Variants in TNMD observed in about 807,000 individuals in gnomAD.
TNMD encodes BRICHOS domain containing 4.
Under a neutral mutation model 26.9 loss-of-function variants are expected in TNMD, and 15 were observed. The ratio of observed to expected loss-of-function variants is 0.56; its 90% CI spans 0.37 to 0.86. The LOEUF (loss-of-function observed/expected upper bound fraction) is 0.86. TNMD is among the 40% of genes least tolerant of loss of function. The probability of loss-of-function intolerance (pLI) is 0.00; values close to 1 mark genes in which losing one functional copy is unlikely to be tolerated. For missense variants in TNMD, 222 were observed against 242.6 expected (o/e 0.92, Z 0.56); for synonymous variants, 73 against 77.0 (o/e 0.95, Z 0.27).
Position 100,599,049 on chromosome X carries a change from A to C in TNMD, c.611A>C (p.Glu204Ala). ...TTACAAGACTTTGAGGAGGAGGGAG[A>C]AGATCTTCACTTTCCTGCCAACGAA... ...SELQDFEEEG[E>A]DLHFPANEKK... The change falls in exon 6 of 7, where the codon GAA (glutamate) becomes GCA (alanine). Residue 204 changes from glutamate (E) to alanine (A), a missense_variant. Physicochemically the swap from Glu to Ala is moderately radical, Grantham distance 107. Coordinates refer to ENST00000373031, the MANE Select transcript of TNMD (RefSeq NM_022144.3). 8.3e-7 allele frequency: 1 copy of C among 1,206,410 alleles called. No homozygotes were observed. The highest frequency in any genetic ancestry group is 1.7e-5 in the African/African-American group (1 of 57,637).
intron 2 of TNMD, among the ~76,000 whole-genome samples, chrX:100,587,707 A>C (rs1772933714): frequency 8.9e-6 from 1 of 112,078 alleles, no homozygotes; most frequent in African/African-American, 3.2e-5. Flanking sequence ...TCAAGAGACC[A>C]TCTATGTTTC....
chrX:100,592,569 C>T (rs1014337582), intron 2 of TNMD, among the ~76,000 whole-genome samples: 35 of 112,341 alleles, frequency 3.1e-4, no homozygotes, highest in African/African-American at 1.0e-3. Context: ...CACTGTAGGG[C>T]TACCAAGAGG....
rs748676123 is a variant in TNMD at position 100,598,257 on chromosome X, C to T, written c.577+600C>T. Among the ~76,000 whole-genome samples the T allele has an allele frequency of 8.1e-5, 9 of 111,383 alleles. 1 individual carries two copies. The highest frequency in any genetic ancestry group is 3.8e-4 in the South Asian group (1 of 2,602). On this transcript the variant is annotated intron_variant, in intron 5 of 6. Coordinates refer to ENST00000373031, the MANE Select transcript of TNMD (RefSeq NM_022144.3). ...GTTTAGCTAACATGGAATTTGGCCT[C>T]CCTCATTCTGCACAGCATAGATTAC... is the stretch of plus-strand genomic sequence containing the variant.
At chrX:100,585,808 G>A (rs2082920567) in intron 2 of TNMD, among the ~76,000 whole-genome samples, 1 of 112,821 alleles carries the variant, frequency 8.9e-6, no homozygotes, top group Non-Finnish European at 1.9e-5. Flanking sequence ...CATCTGCAGT[G>A]AGAACAGGCA....
intron 4 of TNMD, among the ~76,000 whole-genome samples, chrX:100,595,932 T>C (rs1351537501): frequency 8.9e-6 from 1 of 112,394 alleles, no homozygotes; most frequent in African/African-American, 3.2e-5. Flanking sequence ...CACAATAACA[T>C]ATGCTGATTA....
intron 4 of TNMD, 120 bp from the exon 5 acceptor site, chrX:100,597,384 G>A: frequency 1.2e-6 from 1 of 849,664 alleles, no homozygotes; most frequent in Non-Finnish European, 1.7e-6. Flanking sequence ...TAGTTCACCA[G>A]CAGCCCTAGG....
At chrX:100,594,227 G>A (rs1602688587) in intron 3 of TNMD, 34 bp from the exon 4 acceptor site, 4 of 1,093,632 alleles carry the variant, frequency 3.7e-6, no homozygotes, top group East Asian at 3.1e-5. Context: ...TGGCTCTTTT[G>A]GGAAGCTTTA....
At position 100,597,638 on chromosome X, in the gene TNMD, C is replaced by A. The variant is rs2082956714; in HGVS notation, c.558C>A (p.Ile186=). Residue 186 remains isoleucine, a synonymous_variant, in exon 5 of 7, where the codon ATC becomes ATA. Coordinates refer to ENST00000373031, the MANE Select transcript of TNMD (RefSeq NM_022144.3). ...GTGATAACGTGACCATGTATTGGATCAATCCCACTCTAATATCAGGTATGA... is the reference window on the plus strand; with the variant it reads ...GTGATAACGTGACCATGTATTGGATAAATCCCACTCTAATATCAGGTATGA... The part of the protein sequence containing the change: ...EICDNVTMYW[I]NPTLISVSEL... The A allele has an allele frequency of 8.3e-7, 1 of 1,208,225 alleles. No individual in the cohort carries two copies. Among genetic ancestry groups the A allele is most frequent in the African/African-American group, 1.7e-5 (1 of 57,200 alleles).
Position 100,599,815 on chromosome X carries a change from G to A in TNMD, c.*98G>A. On this transcript the variant is annotated 3_prime_UTR_variant, in exon 7 of 7. Transcript: ENST00000373031. ...CCTATGAGGCATCTGGCCCCTGGTA[G>A]CCAGCTCTCCAGAATTACTTGTAGG... 2.6e-6 allele frequency: 2 copies of A among 763,323 alleles called. No homozygotes were observed. Among genetic ancestry groups the A allele is most frequent in the South Asian group, 5.0e-5 (2 of 39,763 alleles). 62.9% of individuals were successfully genotyped at this position (763,323 alleles called of 1,213,427 possible). A position where few individuals can be genotyped will look rare whatever the true frequency, so the allele number is the denominator to read the frequency against.
intron 4 of TNMD, among the ~76,000 whole-genome samples, chrX:100,597,180 T>A (rs1341948891): frequency 1.8e-5 from 2 of 111,980 alleles, no homozygotes; most frequent in Non-Finnish European, 3.8e-5. Flanking sequence ...TCACTTAGGG[T>A]TCCAGAAGCT....
In TNMD at chrX:100,584,978, T is replaced by A. The variant is rs759906894; in HGVS notation, c.-41T>A. ...CTCCACCTCAGCAGTGGTCTCTCAG[T>A]CCTCTCAAAGCAAGGAAAGAGTACT... On this transcript the variant is annotated 5_prime_UTR_variant, in exon 1 of 7. Coordinates refer to ENST00000373031, the MANE Select transcript of TNMD (RefSeq NM_022144.3). 8.5e-7 allele frequency: 1 copy of A among 1,182,076 alleles called. No homozygotes were observed. Among genetic ancestry groups the A allele is most frequent in the East Asian group, 3.0e-5 (1 of 33,571 alleles).
At chrX:100,595,747 A>G (rs977885177) in intron 4 of TNMD, among the ~76,000 whole-genome samples, 2 of 111,047 alleles carry the variant, frequency 1.8e-5, no homozygotes, top group African/African-American at 3.3e-5. Flanking sequence ...CGTTCTCCCA[A>G]AGATGATGCT....
intron 2 of TNMD, among the ~76,000 whole-genome samples, chrX:100,585,707 A>G (rs1023411216): frequency 1.8e-5 from 2 of 112,376 alleles, no homozygotes; most frequent in Non-Finnish European, 3.8e-5. Flanking sequence ...CTGGGCAGAA[A>G]CTGATGGAAA....
intron 2 of TNMD, among the ~76,000 whole-genome samples, chrX:100,589,904 A>G (rs528654957): frequency 4.6e-4 from 51 of 112,026 alleles, no homozygotes; most frequent in African/African-American, 1.6e-3. Flanking sequence ...TCTTTCCACT[A>G]TTCTTCAGCT....
intron 2 of TNMD, 194 bp from the exon 3 acceptor site, chrX:100,593,701 T>G (rs1033901046): frequency 2.5e-6 from 1 of 392,216 alleles, no homozygotes; most frequent in Non-Finnish European, 4.2e-6. Flanking sequence ...TAGGCTGGTT[T>G]GCAAACTATC....
rs777430159 is a variant in TNMD at position 100,599,715 on chromosome X, T to A, written c.952T>A (p.Ter318LysextTer1). ...WWVARMLGRV* is the reference protein window; with the variant it reads ...WWVARMLGRVK ...GGTGGCCCGCATGCTGGGGAGGGTC[T>A]AATAGGAGGTTTGAGCTCAAATGCT... Residue 318 changes from the stop codon to lysine, a stop_lost, in exon 7 of 7, where the codon TAA becomes AAA. Transcript: ENST00000373031. The A allele has an allele frequency of 8.3e-7, 1 of 1,206,926 alleles. No individual in the cohort carries two copies. Among genetic ancestry groups the A allele is most frequent in the Non-Finnish European group, 1.1e-6 (1 of 893,070 alleles).
chrX:100,594,196 G>T, intron 3 of TNMD, 65 bp from the exon 4 acceptor site: 1 of 1,005,247 alleles, frequency 9.9e-7, no homozygotes, highest in South Asian at 2.5e-5. Flanking sequence ...GACCCCAACA[G>T]ATCATGGAAC....
rs764564780 is a variant in TNMD at position 100,590,231 on chromosome X, G to A, written c.181-3664G>A. On this transcript the variant is annotated intron_variant, in intron 2 of 6. Coordinates refer to ENST00000373031, the MANE Select transcript of TNMD (RefSeq NM_022144.3). Reference sequence around the variant, plus strand: ...AACACCTGCTAGCCAGCTATTCTGAGCATGTATTTCACCTTTGGAGAGTGT... The same window carrying A: ...AACACCTGCTAGCCAGCTATTCTGAACATGTATTTCACCTTTGGAGAGTGT... 6.3e-5 allele frequency among the ~76,000 whole-genome samples: 7 copies of A among 111,587 alleles called. No homozygotes were observed. The East Asian group carries it at 2.0e-3, about 31-fold the overall frequency.
Position 100,598,943 on chromosome X carries a change from C to T in TNMD, c.578-73C>T, listed in dbSNP as rs186823221. The T allele has an allele frequency of 4.6e-5, 41 of 899,157 alleles. No individual in the cohort carries two copies. The East Asian group carries it at 1.3e-3, about 29-fold the overall frequency. 74.1% of individuals were successfully genotyped at this position (899,157 alleles called of 1,213,427 possible). A position where few individuals can be genotyped will look rare whatever the true frequency, so the allele number is the denominator to read the frequency against. Reference sequence around the variant, plus strand: ...CAATGAAAATCTCTATCCCCAGCTGCTATTCTCCCAAGCACTTCTTTCAGG... The same window carrying T: ...CAATGAAAATCTCTATCCCCAGCTGTTATTCTCCCAAGCACTTCTTTCAGG... On this transcript the variant is annotated intron_variant, in intron 5 of 6. Coordinates refer to ENST00000373031, the MANE Select transcript of TNMD (RefSeq NM_022144.3).
Sources: allele counts gnomAD v4.1 joint callset (sites outside exome capture counted in the v4.1 genomes callset), GRCh38; gene constraint gnomAD v4.1.1; transcripts MANE v1.5; gene names NCBI Gene and HGNC (gene_info 2026-07-23, HGNC 2026-07-21).